Variants in MAF observed in about 807,000 individuals in gnomAD.
MAF encodes MAF bZIP transcription factor.
A neutral mutation model predicts 22.0 loss-of-function variants in MAF; 10 were observed. The observed-to-expected ratio is 0.45, with a 90% CI of 0.28 to 0.77. The LOEUF (loss-of-function observed/expected upper bound fraction) is 0.77, where lower values mean the gene tolerates loss of function less well. Among genes scored for constraint, MAF ranks in the 30% least tolerant of loss-of-function variants. The pLI, the probability that MAF is intolerant of heterozygous loss-of-function variation, is 0.12. For synonymous variants in MAF, 337 were observed against 255.8 expected (o/e 1.32, Z -3.03); for missense variants, 544 against 548.4 (o/e 0.99, Z 0.08).
the MAF span, among the ~76,000 whole-genome samples, chr16:79,565,105 C>T: frequency 1.1e-4 from 16 of 152,150 alleles, no homozygotes; most frequent in Non-Finnish European, 1.9e-4. Context: ...CGGGAGATAA[C>T]TAGTCCCAGG....
the MAF span, among the ~76,000 whole-genome samples, chr16:79,403,422 A>C: frequency 6.6e-6 from 1 of 152,194 alleles, no homozygotes; most frequent in Non-Finnish European, 1.5e-5. Flanking sequence ...CAAACGCAGA[A>C]AGGTCTCAGC....
chr16:79,282,036 C>G, the MAF span, among the ~76,000 whole-genome samples: 1 of 152,166 alleles, frequency 6.6e-6, no homozygotes, highest in Admixed American at 6.5e-5. Flanking sequence ...GGTGCAGTGG[C>G]TCATGCCTGT....
At chr16:79,239,075 T>G in the MAF span, among the ~76,000 whole-genome samples, 1 of 152,054 alleles carries the variant, frequency 6.6e-6, no homozygotes, top group Non-Finnish European at 1.5e-5. Context: ...TGTTGTAGTT[T>G]GCAGCTCTGG....
At chr16:79,321,813 G>C in the MAF span, among the ~76,000 whole-genome samples, 1 of 151,984 alleles carries the variant, frequency 6.6e-6, no homozygotes, top group Non-Finnish European at 1.5e-5. Context: ...ACCACACCTG[G>C]ATAAGTGCTG....
At chr16:79,417,150 G>A in the MAF span, among the ~76,000 whole-genome samples, 1 of 152,182 alleles carries the variant, frequency 6.6e-6, no homozygotes. Context: ...TGAGGCTGAG[G>A]AGGTGCCTGC....
chr16:79,235,607 G>C, the MAF span, among the ~76,000 whole-genome samples: 1 of 151,966 alleles, frequency 6.6e-6, no homozygotes, highest in African/African-American at 2.4e-5. Context: ...TATGGGTCTT[G>C]ATTTTCATCC....
the MAF span, among the ~76,000 whole-genome samples, chr16:79,322,588 A>G: frequency 3.3e-5 from 5 of 152,194 alleles, no homozygotes; most frequent in African/African-American, 1.2e-4. Flanking sequence ...AAGCGGAAAC[A>G]GACCTTTCTG....
At chr16:79,270,048 C>T in the MAF span, among the ~76,000 whole-genome samples, 1 of 151,790 alleles carries the variant, frequency 6.6e-6, no homozygotes, top group Non-Finnish European at 1.5e-5. Flanking sequence ...CTGTTTTTTT[C>T]ATCCTGCATG....
chr16:79,291,854 T>G, the MAF span, among the ~76,000 whole-genome samples: 19 of 149,680 alleles, frequency 1.3e-4, no homozygotes, highest in African/African-American at 4.7e-4. Flanking sequence ...TCACAGGGTA[T>G]CACCTCTCCT....
the MAF span, among the ~76,000 whole-genome samples, chr16:79,224,349 G>A: frequency 6.6e-6 from 1 of 152,090 alleles, no homozygotes; most frequent in African/African-American, 2.4e-5. Flanking sequence ...AGGTATTGAT[G>A]GAACGTATCT....
At chr16:79,405,404 C>A in the MAF span, among the ~76,000 whole-genome samples, 1 of 152,180 alleles carries the variant, frequency 6.6e-6, no homozygotes, top group Non-Finnish European at 1.5e-5. Context: ...ACCTGGAGAA[C>A]AACAGGCTGC....
the MAF span, among the ~76,000 whole-genome samples, chr16:79,369,994 T>C: frequency 6.6e-6 from 1 of 152,208 alleles, no homozygotes; most frequent in Non-Finnish European, 1.5e-5. Flanking sequence ...TCAGTAGAAA[T>C]GTCACGGAGG....
chr16:79,504,224 G>A, the MAF span, among the ~76,000 whole-genome samples: 4 of 152,154 alleles, frequency 2.6e-5, no homozygotes, highest in African/African-American at 9.7e-5. Context: ...TAGAAAGAAG[G>A]AGAACCAAAC....
chr16:79,210,574 T>C, the MAF span, among the ~76,000 whole-genome samples: 14 of 152,092 alleles, frequency 9.2e-5, no homozygotes, highest in African/African-American at 3.4e-4. Context: ...CCCCTCTCCC[T>C]CTCATCAGCT....
chr16:79,350,878 T>C, the MAF span, among the ~76,000 whole-genome samples: 1 of 150,922 alleles, frequency 6.6e-6, no homozygotes, highest in Admixed American at 6.6e-5. Flanking sequence ...TGTGTGTGTG[T>C]GTGTGTGTGT....
At chr16:79,224,825 A>G in the MAF span, among the ~76,000 whole-genome samples, 8 of 152,220 alleles carry the variant, frequency 5.3e-5, no homozygotes, top group South Asian at 2.1e-4. Context: ...AGACCTCTTC[A>G]AGGAGAACTA....
At chr16:79,259,233 T>G in the MAF span, among the ~76,000 whole-genome samples, 2 of 152,178 alleles carry the variant, frequency 1.3e-5, no homozygotes, top group Non-Finnish European at 2.9e-5. Flanking sequence ...CTTGGCCTTC[T>G]GTCTGCTCCT....
chr16:79,541,255 T>G, the MAF span, among the ~76,000 whole-genome samples: 4 of 152,212 alleles, frequency 2.6e-5, no homozygotes, highest in Non-Finnish European at 5.9e-5. Context: ...CAACCACACA[T>G]TCCAGATTTA....
At chr16:79,276,366 G>A in the MAF span, among the ~76,000 whole-genome samples, 5 of 152,082 alleles carry the variant, frequency 3.3e-5, no homozygotes, top group East Asian at 7.7e-4. Flanking sequence ...AAGAAAGGAG[G>A]GTTGTGAAAG....
Sources: allele counts gnomAD v4.1 joint callset (sites outside exome capture counted in the v4.1 genomes callset), GRCh38; gene constraint gnomAD v4.1.1; transcripts MANE v1.5; gene names NCBI Gene and HGNC (gene_info 2026-07-23, HGNC 2026-07-21).